SLC44A3: variants seen among roughly 807,000 people sequenced by gnomAD.
SLC44A3 encodes choline transporter-like protein 3.
A neutral mutation model predicts 75.4 loss-of-function variants in SLC44A3; 74 were observed. The ratio of observed to expected loss-of-function variants is 0.98; its 90% CI spans 0.81 to 1.19. SLC44A3 has a LOEUF of 1.19. Among genes scored for constraint, SLC44A3 ranks in the 50% most tolerant of loss-of-function variants. SLC44A3 has a pLI of 0.00. For synonymous variants in SLC44A3, 310 were observed against 296.9 expected (o/e 1.04, Z -0.45); for missense variants, 700 against 778.6 (o/e 0.90, Z 1.20).
intron 3 of SLC44A3, among the ~76,000 whole-genome samples, chr1:94,825,024 C>T (rs768661513): frequency 1.3e-5 from 2 of 152,196 alleles, no homozygotes; most frequent in South Asian, 2.1e-4. Context: ...TGTTACCAAT[C>T]GTATATGTTT....
intron 5 of SLC44A3, chr1:94,836,738 C>G (rs922115173): frequency 6.6e-6 from 1 of 152,078 alleles, no homozygotes; most frequent in African/African-American, 2.4e-5. Context: ...TGGTGAAACT[C>G]TGTCTCTACA....
intron 6 of SLC44A3, chr1:94,838,982 C>T (rs76338244): frequency 6.6e-6 from 1 of 152,170 alleles, no homozygotes; most frequent in African/African-American, 2.4e-5. Context: ...ATCCCAGTAC[C>T]ACTCATAGGA....
rs543629999 is a variant in SLC44A3, at chr1:94,879,178, A to T, written c.1482+11761A>T. Among the ~76,000 whole-genome samples the T allele has an allele frequency of 3.0e-4, 46 of 151,774 alleles. 1 individual carries two copies. The South Asian group carries it at 7.1e-3, about 23-fold the overall frequency. On this transcript the variant is annotated intron_variant, in intron 12 of 14. Coordinates refer to ENST00000271227, the MANE Select transcript of SLC44A3 (RefSeq NM_001114106.3). ...TATATGCTTAGAAGTTACTGTCCAA[A>T]ATACATAAGGAACTTCTACAATTTA...
chr1:94,867,361 C>T lies in SLC44A3; in HGVS notation c.1426C>T (p.Arg476Ter), dbSNP rs372064137. Reference sequence around the variant, plus strand: ...TGGTGCATTGTCCAGGTACCTGTTCCGATGCTGCTACTGCTGTTTCTGGTG... The same window carrying T: ...TGGTGCATTGTCCAGGTACCTGTTCTGATGCTGCTACTGCTGTTTCTGGTG... ...QHGALSRYLFRCCYCCFWCLD... is the reference protein window; with the variant it reads ...QHGALSRYLF The change falls in exon 12 of 15, where the codon CGA becomes TGA. Residue 476 changes from arginine to a stop codon, truncating the protein, a stop_gained. Transcript: ENST00000271227. LOFTEE classifies it high-confidence loss of function. 44 of 1,602,264 alleles carry T rather than the reference C, an allele frequency of 2.7e-5. No individual in the cohort carries two copies. Among genetic ancestry groups the T allele is most frequent in the Admixed American group, 1.3e-4 (8 of 59,284 alleles).
At chr1:94,891,923 A>T (rs748329225) in intron 13 of SLC44A3, among the ~76,000 whole-genome samples, 5 of 152,258 alleles carry the variant, frequency 3.3e-5, no homozygotes, top group Non-Finnish European at 5.9e-5. Flanking sequence ...ACTCTGTCTC[A>T]AAAGAAAGAG....
At chr1:94,891,296 C>T in intron 13 of SLC44A3, 29 bp downstream of exon 13, 1 of 1,567,556 alleles carries the variant, frequency 6.4e-7, no homozygotes, top group Non-Finnish European at 8.6e-7. Flanking sequence ...ATAAAGGAGC[C>T]TGGGATTCTG....
At chr1:94,873,728 T>C (rs1668002755) in intron 12 of SLC44A3, among the ~76,000 whole-genome samples, 1 of 152,218 alleles carries the variant, frequency 6.6e-6, no homozygotes, top group African/African-American at 2.4e-5. Flanking sequence ...TCAGGTTTGG[T>C]TGGTTCATCC....
In SLC44A3 at chr1:94,894,804, C is replaced by A. The variant is rs752502096; in HGVS notation, c.1858-14C>A. ...ACACATAATACTATTCTAACTTGTT[C>A]TTTTGTTTTTCAGAGTTTCGTAAAA... On this transcript the variant is annotated splice_polypyrimidine_tract_variant and intron_variant, in intron 14 of 14. Coordinates refer to ENST00000271227, the MANE Select transcript of SLC44A3 (RefSeq NM_001114106.3). 1.2e-6 allele frequency: 2 copies of A among 1,600,490 alleles called. No homozygotes were observed. The highest frequency in any genetic ancestry group is 1.7e-5 in the Admixed American group (1 of 59,620).
intron 9 of SLC44A3, among the ~76,000 whole-genome samples, chr1:94,846,655 G>A (rs565501843): frequency 6.6e-6 from 1 of 152,352 alleles, no homozygotes; most frequent in African/African-American, 2.4e-5. Flanking sequence ...GAGTGGCACT[G>A]TCCAGATCTT....
intron 5 of SLC44A3, among the ~76,000 whole-genome samples, chr1:94,833,905 A>G (rs1662452324): frequency 6.7e-6 from 1 of 148,534 alleles, no homozygotes; most frequent in South Asian, 2.1e-4. Flanking sequence ...GAGGGTGACA[A>G]ATTAAATGAC....
At chr1:94,865,434 G>A (rs979607948) in intron 11 of SLC44A3, among the ~76,000 whole-genome samples, 1 of 152,142 alleles carries the variant, frequency 6.6e-6, no homozygotes, top group Non-Finnish European at 1.5e-5. Flanking sequence ...GTATGTGTGT[G>A]TACATGCGTG....
intron 9 of SLC44A3, among the ~76,000 whole-genome samples, chr1:94,849,036 A>G (rs1285370589): frequency 6.9e-6 from 1 of 144,706 alleles, no homozygotes; most frequent in Non-Finnish European, 1.5e-5. Flanking sequence ...TTGGGCATGA[A>G]CTGCCAGCCT....
Position 94,851,472 on chromosome 1 carries a change from T to C in SLC44A3, c.1073-5863T>C, listed in dbSNP as rs1271462663. ...GCTATGAACAATAAAGCAAGATGTA[T>C]TGTCATCCCACAAGAGGAAGAACAC... On this transcript the variant is annotated intron_variant, in intron 9 of 14. Coordinates refer to ENST00000271227, the MANE Select transcript of SLC44A3 (RefSeq NM_001114106.3). Among the ~76,000 whole-genome samples the C allele has an allele frequency of 2.0e-5, 3 of 152,180 alleles. No individual in the cohort carries two copies. The East Asian group carries it at 5.8e-4, about 29-fold the overall frequency.
At chr1:94,883,407 G>A (rs1387072638) in intron 12 of SLC44A3, among the ~76,000 whole-genome samples, 1 of 152,184 alleles carries the variant, frequency 6.6e-6, no homozygotes, top group Non-Finnish European at 1.5e-5. Context: ...GGAGGCTGAA[G>A]TGGGAGAATC....
rs1666008465 is a variant in SLC44A3 at position 94,857,372 on chromosome 1, T to C, written c.1110T>C (p.Tyr370=). The part of the protein sequence containing the change: ...AQVMEGGQVE[Y]KPLSGIRYMW... ...TTATGGAAGGCGGCCAAGTGGAATA[T>C]AAGCCCCTTTCGGGCATTCGGTACA... The change falls in exon 10 of 15, where the codon TAT becomes TAC. Residue 370 remains tyrosine, a synonymous_variant. Transcript: ENST00000271227. The C allele has an allele frequency of 6.2e-7, 1 of 1,613,022 alleles. No homozygotes were observed. The highest frequency in any genetic ancestry group is 8.5e-7 in the Non-Finnish European group (1 of 1,179,706).
At chr1:94,849,495 G>A (rs923644330) in intron 9 of SLC44A3, among the ~76,000 whole-genome samples, 15 of 152,124 alleles carry the variant, frequency 9.9e-5, no homozygotes, top group South Asian at 6.2e-4. Flanking sequence ...CTGGCTCTGC[G>A]GCTGGGCAGA....
intron 12 of SLC44A3, among the ~76,000 whole-genome samples, chr1:94,886,541 A>G (rs1010838840): frequency 3.3e-5 from 5 of 151,996 alleles, no homozygotes; most frequent in African/African-American, 1.2e-4. Flanking sequence ...GACAGGCAAC[A>G]CTGGGGCCAG....
chr1:94,826,125 A>G (rs1284817602), intron 3 of SLC44A3, among the ~76,000 whole-genome samples: 2 of 152,230 alleles, frequency 1.3e-5, no homozygotes, highest in Non-Finnish European at 1.5e-5. Flanking sequence ...AGTGAAATAA[A>G]CCAGTCACAA....
chr1:94,839,038 A>C (rs1663195738), intron 6 of SLC44A3: 1 of 152,228 alleles, frequency 6.6e-6, no homozygotes, highest in Admixed American at 6.5e-5. Flanking sequence ...CCAGTGTTGC[A>C]CACCTAGGAG....
Sources: gnomAD v4.1 joint callset for allele counts (sites outside exome capture counted in the v4.1 genomes callset) on GRCh38, gnomAD v4.1.1 for gene constraint, MANE v1.5 for transcripts, NCBI Gene and HGNC (gene_info 2026-07-23, HGNC 2026-07-21) for gene names.